API5: variants seen among roughly 807,000 people sequenced by gnomAD.
The protein encoded by API5 is apoptosis inhibitor 5, also known as FIF.
In API5, 6 loss-of-function variants were observed where a neutral mutation model predicts 71.9. That is an observed-to-expected ratio of 0.08 (90% confidence interval 0.05 to 0.16). The LOEUF (loss-of-function observed/expected upper bound fraction) is 0.16, where lower values mean the gene tolerates loss of function less well. Among genes scored for constraint, API5 ranks in the 10% least tolerant of loss-of-function variants. API5 has a pLI of 1.00. For missense variants in API5, 332 were observed against 612.8 expected, an observed-to-expected ratio of 0.54 and a Z score of 4.84; for synonymous variants, 189 against 221.3, an observed-to-expected ratio of 0.85 and a Z score of 1.30.
chr11:43,312,282 G>A, intron 1 of API5, 86 bp downstream of exon 1: 3 of 1,445,086 alleles, frequency 2.1e-6, no homozygotes, highest in Non-Finnish European at 2.9e-6. Context: ...CGGGCCGAGC[G>A]GGGGCTGCGG....
At chr11:43,334,068 CTG>C (rs1333872112) in intron 11 of API5, among the ~76,000 whole-genome samples, 2 of 152,224 alleles carry the variant, frequency 1.3e-5, no homozygotes, top group South Asian at 2.1e-4. Context: ...AGTGGGCAAA[CTG>C]TATATATTAC....
chr11:43,316,221 G>A (rs1854664760), intron 1 of API5, among the ~76,000 whole-genome samples: 1 of 152,126 alleles, frequency 6.6e-6, no homozygotes, highest in Non-Finnish European at 1.5e-5. Flanking sequence ...CTGAGCCCTA[G>A]TTTCCTCATC....
At chr11:43,316,091 A>T (rs916612823) in intron 1 of API5, among the ~76,000 whole-genome samples, 2 of 151,896 alleles carry the variant, frequency 1.3e-5, no homozygotes. Flanking sequence ...GGCTTCTTGG[A>T]CTTTTATTTC....
chr11:43,322,664 T>C (rs979612929), intron 5 of API5, among the ~76,000 whole-genome samples: 3 of 152,196 alleles, frequency 2.0e-5, no homozygotes, highest in African/African-American at 7.2e-5. Flanking sequence ...TGCCAAAGTT[T>C]GGGAATAGTT....
chr11:43,321,882 T>A, intron 4 of API5, 103 bp from the exon 5 acceptor site: 2 of 1,188,158 alleles, frequency 1.7e-6, no homozygotes, highest in Non-Finnish European at 2.3e-6. Context: ...ATTTGGGAAG[T>A]TCATTAACTT....
chr11:43,316,186 A>G (rs1378756047), intron 1 of API5, among the ~76,000 whole-genome samples: 1 of 152,160 alleles, frequency 6.6e-6, no homozygotes, highest in East Asian at 1.9e-4. Flanking sequence ...CCTCAAAAAT[A>G]TGTGGAAATA....
chr11:43,334,841 T>C (rs1228190521), intron 11 of API5, among the ~76,000 whole-genome samples: 1 of 152,166 alleles, frequency 6.6e-6, no homozygotes, highest in Admixed American at 6.5e-5. Context: ...ACTTTTCCTA[T>C]GGTGCTGGCA....
intron 11 of API5, among the ~76,000 whole-genome samples, chr11:43,333,478 T>C (rs550546903): frequency 1.3e-5 from 2 of 152,262 alleles, no homozygotes; most frequent in Non-Finnish European, 2.9e-5. Context: ...ACTGAGGTGC[T>C]AAAAAGAATG....
chr11:43,326,663 A>G, intron 7 of API5, 52 bp downstream of exon 7: 1 of 1,032,990 alleles, frequency 9.7e-7, no homozygotes, highest in African/African-American at 1.6e-5. Context: ...ATATTTTAAC[A>G]AAAATGTAAA....
Position 43,318,720 on chromosome 11 carries a change from G to A in API5, c.150G>A (p.Pro50=), listed in dbSNP as rs772933662. The change falls in exon 2 of 14, where the codon CCG becomes CCA. Residue 50 remains proline (P), a synonymous_variant. Coordinates refer to ENST00000531273, the MANE Select transcript of API5 (RefSeq NM_001142930.2). ...KEKRLAAQFI[P]KFFKHFPELA... ...AGCGATTAGCAGCTCAATTTATTCC[G>A]AAATTCTTTAAGCATTTTCCAGAAT... The A allele has an allele frequency of 7.4e-6, 12 of 1,613,670 alleles. No individual in the cohort carries two copies. The East Asian group carries it at 1.1e-4, about 15-fold the overall frequency.
At chr11:43,322,243 T>C in intron 5 of API5, 107 bp downstream of exon 5, 1 of 1,098,040 alleles carries the variant, frequency 9.1e-7, no homozygotes, top group Non-Finnish European at 1.2e-6. Context: ...AAATGATATA[T>C]CATATATCCC....
At chr11:43,317,969 C>G (rs1854730085) in intron 1 of API5, among the ~76,000 whole-genome samples, 1 of 150,546 alleles carries the variant, frequency 6.6e-6, no homozygotes, top group Admixed American at 6.7e-5. Context: ...AGCCACCACA[C>G]CTGGCCATCA....
Position 43,342,690 on chromosome 11 carries a change from A to G in API5, c.*180A>G, listed in dbSNP as rs1226646422. The G allele has an allele frequency of 1.4e-6, 1 of 711,820 alleles. No homozygotes were observed. 44.1% of individuals were successfully genotyped at this position (711,820 alleles called of 1,614,324 possible). A position where few individuals can be genotyped will look rare whatever the true frequency, so the allele number is the denominator to read the frequency against. ...AACAGACCATGGTTGTGTCCAAGGTAAAACCACAGTGATATTTTTGGATGC... is the reference window on the plus strand; with the variant it reads ...AACAGACCATGGTTGTGTCCAAGGTGAAACCACAGTGATATTTTTGGATGC... On this transcript the variant is annotated 3_prime_UTR_variant, in exon 14 of 14. Transcript: ENST00000531273.
intron 9 of API5, chr11:43,329,272 G>T (rs1200870475): frequency 2.3e-5 from 4 of 172,348 alleles, no homozygotes; most frequent in Admixed American, 1.1e-4. Flanking sequence ...TTGAGCCCAG[G>T]AGCTCGAGGT....
intron 1 of API5, 141 bp downstream of exon 1, chr11:43,312,337 G>C (rs945044668): frequency 2.1e-5 from 18 of 873,014 alleles, no homozygotes; most frequent in Middle Eastern, 3.2e-4. Context: ...CCGTCTCGTC[G>C]GGGTGGGCCT....
intron 11 of API5, 70 bp from the exon 12 acceptor site, chr11:43,335,208 C>T: frequency 1.8e-6 from 2 of 1,094,162 alleles, no homozygotes; most frequent in South Asian, 1.3e-5. Flanking sequence ...GTCTTCGTTT[C>T]CTACCCTCAC....
chr11:43,330,891 G>C (rs528040283), intron 11 of API5, among the ~76,000 whole-genome samples: 1 of 151,698 alleles, frequency 6.6e-6, no homozygotes, highest in South Asian at 2.1e-4. Context: ...AGAGCTTTCT[G>C]TACTGTAGGC....
chr11:43,324,429 A>C (rs1436951646), intron 6 of API5, among the ~76,000 whole-genome samples: 2 of 152,092 alleles, frequency 1.3e-5, no homozygotes, highest in Non-Finnish European at 2.9e-5. Context: ...GGATGTGCAT[A>C]CATTCATTTG....
At chr11:43,315,964 C>T (rs1027447273) in intron 1 of API5, among the ~76,000 whole-genome samples, 3 of 151,996 alleles carry the variant, frequency 2.0e-5, no homozygotes, top group African/African-American at 4.8e-5. Flanking sequence ...AAAATGTATC[C>T]GACACCTGTT....
Sources: gnomAD v4.1 joint callset for allele counts (sites outside exome capture counted in the v4.1 genomes callset) on GRCh38, gnomAD v4.1.1 for gene constraint, MANE v1.5 for transcripts, NCBI Gene and HGNC (gene_info 2026-07-23, HGNC 2026-07-21) for gene names.